The following NECAP2 variants were observed in gnomAD, a reference collection of about 807,000 sequenced individuals.
NECAP2 encodes the protein NECAP endocytosis associated 2.
A neutral mutation model predicts 37.8 loss-of-function variants in NECAP2; 38 were observed. The ratio of observed to expected loss-of-function variants is 1.01; its 90% CI spans 0.78 to 1.32. The LOEUF is 1.32. NECAP2 is among the 40% of genes most tolerant of loss of function. NECAP2 has a pLI of 0.00. For missense variants in NECAP2, 316 were observed against 334.5 expected, an observed-to-expected ratio of 0.94 and a Z score of 0.43; for synonymous variants, 121 against 127.7, an observed-to-expected ratio of 0.95 and a Z score of 0.35.
chr1:16,447,029 C>T (rs2086773367), intron 2 of NECAP2, among the ~76,000 whole-genome samples: 1 of 150,606 alleles, frequency 6.6e-6, no homozygotes, highest in African/African-American at 2.4e-5. Context: ...CGCTGCACTC[C>T]AGCCTGGGTG....
At position 16,441,179 on chromosome 1, in the gene NECAP2, C is replaced by T. The variant is rs12065361; in HGVS notation, c.92+326C>T. The T allele has an allele frequency of 5.3e-3, 1,726 of 325,720 alleles. 25 individuals are homozygous for T. The highest frequency in any genetic ancestry group is 0.033 in the African/African-American group (1,587 of 47,514). 20.2% of individuals were successfully genotyped at this position (325,720 alleles called of 1,614,324 possible). A position where few individuals can be genotyped will look rare whatever the true frequency, so the allele number is the denominator to read the frequency against. ...CTTCTCTTTCAGCGCTAACCGGTGGCCTTGAAGGGATCCTCGAAAAGCCTT... is the reference window on the plus strand; with the variant it reads ...CTTCTCTTTCAGCGCTAACCGGTGGTCTTGAAGGGATCCTCGAAAAGCCTT... On this transcript the variant is annotated intron_variant, in intron 1 of 7. Coordinates refer to ENST00000337132, the MANE Select transcript of NECAP2 (RefSeq NM_018090.5).
At chr1:16,451,784 T>G in intron 5 of NECAP2, 54 bp from the exon 6 acceptor site, 4 of 1,604,838 alleles carry the variant, frequency 2.5e-6, no homozygotes, top group Non-Finnish European at 2.6e-6. Flanking sequence ...GGTTTTCTGG[T>G]AGCATTGGGA....
intron 7 of NECAP2, among the ~76,000 whole-genome samples, chr1:16,456,374 G>A (rs779468762): frequency 6.6e-6 from 1 of 152,212 alleles, no homozygotes. Context: ...CAGCGTGCCT[G>A]CTTTGGGTGG....
At chr1:16,451,569 G>A (rs1465689884) in intron 5 of NECAP2, 4 of 487,152 alleles carry the variant, frequency 8.2e-6, no homozygotes, top group Admixed American at 3.9e-5. Context: ...TCTGGTGAGC[G>A]TGTAATGGTA....
chr1:16,458,605 A>G (rs1370807743), intron 7 of NECAP2, among the ~76,000 whole-genome samples: 2 of 151,754 alleles, frequency 1.3e-5, no homozygotes, highest in Non-Finnish European at 2.9e-5. Flanking sequence ...AAAACAAAAC[A>G]AAAAACAAAA....
chr1:16,452,696 C>T (rs1042316155), intron 6 of NECAP2, among the ~76,000 whole-genome samples: 11 of 152,082 alleles, frequency 7.2e-5, no homozygotes, highest in Non-Finnish European at 1.2e-4. Context: ...CCTGGGATTC[C>T]GGAAGCGAGT....
chr1:16,451,899 G>C lies in NECAP2; in HGVS notation c.551G>C (p.Gly184Ala), dbSNP rs753558178. The C allele has an allele frequency of 5.0e-6, 8 of 1,614,094 alleles. No homozygotes were observed. In the South Asian group the frequency reaches 8.8e-5, roughly 18 times the overall value. The change falls in exon 6 of 8, where the codon GGG becomes GCG. Residue 184 changes from glycine (G) to alanine (A), a missense_variant. Gly to Ala is a moderately conservative substitution (Grantham distance 60). Around this residue, in one of 3 missense-constraint regions of NECAP2, gnomAD observed 204 missense variants for 188.6 expected, o/e 1.08. Coordinates refer to ENST00000337132, the MANE Select transcript of NECAP2 (RefSeq NM_018090.5). ...NPRVRPASTG[G>A]LSLLPPPPGG... Reference sequence around the variant, plus strand: ...CGAGTCCGGCCTGCCAGCACAGGAGGGCTGAGCCTGCTTCCCCCTCCCCCA... The same window carrying C: ...CGAGTCCGGCCTGCCAGCACAGGAGCGCTGAGCCTGCTTCCCCCTCCCCCA...
At chr1:16,444,521 C>T (rs1484505813) in intron 2 of NECAP2, among the ~76,000 whole-genome samples, 3 of 152,228 alleles carry the variant, frequency 2.0e-5, no homozygotes, top group Middle Eastern at 3.2e-3. Flanking sequence ...GCCACATGAC[C>T]TCTGGGGCCT....
intron 5 of NECAP2, chr1:16,450,176 T>C: frequency 6.6e-6 from 3 of 455,350 alleles, no homozygotes. Flanking sequence ...AGTGGACTGG[T>C]TGGGATGTGA....
intron 5 of NECAP2, 41 bp downstream of exon 5, chr1:16,449,242 G>A (rs759756572): frequency 1.4e-6 from 2 of 1,408,664 alleles, no homozygotes; most frequent in Non-Finnish European, 9.9e-7. Context: ...CGTGATACTT[G>A]TGGCCACCCA....
At chr1:16,458,600 A>G in intron 7 of NECAP2, among the ~76,000 whole-genome samples, 1 of 139,854 alleles carries the variant, frequency 7.2e-6, no homozygotes, top group South Asian at 2.2e-4. Flanking sequence ...AAAAAAAAAC[A>G]AAACAAAAAA....
At chr1:16,448,343 T>C (rs2086793332) in intron 4 of NECAP2, 3 of 610,244 alleles carry the variant, frequency 4.9e-6, no homozygotes, top group Non-Finnish European at 8.7e-6. Context: ...GGCTCATCTC[T>C]ACCATCCCAG....
rs1208182691 is a variant in NECAP2, at chr1:16,460,022, T to A, written c.*1132T>A. 4.6e-5 allele frequency: 7 copies of A among 152,224 alleles called. No homozygotes were observed. Among genetic ancestry groups the A allele is most frequent in the Non-Finnish European group, 7.3e-5 (5 of 68,046 alleles). The allele number at this position is 152,224 out of a possible 1,614,324, so 9.4% of individuals were successfully genotyped here. A position where few individuals can be genotyped will look rare whatever the true frequency, so the allele number is the denominator to read the frequency against. On this transcript the variant is annotated 3_prime_UTR_variant, in exon 8 of 8. Transcript: ENST00000337132. ...TCAAGACCGTGAACTGAAAAAAGTG[T>A]TGGCCTTTTTGCGGGACCAGATTTT...
chr1:16,452,628 G>A (rs1206566781), intron 6 of NECAP2, among the ~76,000 whole-genome samples: 1 of 152,170 alleles, frequency 6.6e-6, no homozygotes, highest in Non-Finnish European at 1.5e-5. Flanking sequence ...AGCACCTCGG[G>A]TGTGGGAATC....
At position 16,443,658 on chromosome 1, in the gene NECAP2, C is replaced by T. The variant is rs763645232; in HGVS notation, c.119C>T (p.Pro40Leu). The T allele has an allele frequency of 3.7e-6, 6 of 1,612,346 alleles. No homozygotes were observed. The highest frequency in any genetic ancestry group is 4.2e-6 in the Non-Finnish European group (5 of 1,179,706). Residue 40 changes from proline (P) to leucine (L), a missense_variant, in exon 2 of 8, where the codon CCA becomes CTA. Around this residue, in one of 3 missense-constraint regions of NECAP2, gnomAD observed 81 missense variants for 124.2 expected, o/e 0.65. Transcript: ENST00000337132. The part of the protein sequence containing the change: ...YRAAEWQLDQ[P>L]SWSGRLRITA... ...GCTGCGGAGTGGCAGCTGGACCAGC[C>T]ATCATGGAGTGGCCGGCTGAGGATC...
chr1:16,441,610 A>G (rs1257505650), intron 1 of NECAP2: 2 of 152,218 alleles, frequency 1.3e-5, no homozygotes, highest in African/African-American at 4.8e-5. Flanking sequence ...GATACACTTC[A>G]TACAGACAAC....
intron 5 of NECAP2, chr1:16,450,275 GTTTT>G (rs2086823260): frequency 2.7e-6 from 1 of 364,642 alleles, no homozygotes; most frequent in Non-Finnish European, 5.4e-6. Flanking sequence ...TTTGTTTTTT[GTTTT>G]GTTTTGTTGT....
rs1570268713 is a variant in NECAP2, at chr1:16,452,013, C to T, written c.665C>T (p.Ser222Leu). The change falls in exon 6 of 8, where the codon TCA (serine) becomes TTA (leucine). Residue 222 changes from serine to leucine, a missense_variant and splice_region_variant. Ser to Leu is a moderately radical substitution (Grantham distance 145). This residue lies in a region of NECAP2 where 204 missense variants were observed against 188.6 expected (regional missense o/e 1.08). Transcript: ENST00000337132. Reference sequence around the variant, plus strand: ...GTCCAGCCAGCAGTTGCTCCCAGTTCAGGTTAGTGCTCAGTGGGTGACTGC... The same window carrying T: ...GTCCAGCCAGCAGTTGCTCCCAGTTTAGGTTAGTGCTCAGTGGGTGACTGC... ...SLVQPAVAPS[S>L]GGAPVPWPQP... The T allele has an allele frequency of 6.3e-7, 1 of 1,576,346 alleles. No individual in the cohort carries two copies. Among genetic ancestry groups the T allele is most frequent in the Non-Finnish European group, 8.6e-7 (1 of 1,161,414 alleles).
chr1:16,448,199 G>T, intron 4 of NECAP2, 58 bp downstream of exon 4: 1 of 1,500,182 alleles, frequency 6.7e-7, no homozygotes, highest in Non-Finnish European at 9.3e-7. Flanking sequence ...TGGACAGAAT[G>T]ATCTCCCAGG....
Sources: allele counts gnomAD v4.1 joint callset (sites outside exome capture counted in the v4.1 genomes callset), GRCh38; gene constraint gnomAD v4.1.1; regional missense constraint gnomAD v4.1.1; transcripts MANE v1.5; gene names NCBI Gene and HGNC (gene_info 2026-07-23, HGNC 2026-07-21).